The following SASH1 variants were observed in gnomAD, a reference collection of about 807,000 sequenced individuals.
SASH1 encodes the protein SAM and SH3 domain containing 1, also known as SAM and SH3 domain-containing protein 1.
SASH1 carries 44 observed loss-of-function variants against 125.2 expected under a neutral mutation model. That is an observed-to-expected ratio of 0.35 (90% CI 0.28 to 0.45). The LOEUF is 0.45. Ranked by LOEUF, SASH1 falls within the 20% of genes least tolerant of loss-of-function variation. The pLI is 1.00. For synonymous variants in SASH1, 639 were observed against 649.1 expected (o/e 0.98, Z 0.24); for missense variants, 1,426 against 1,614.5 (o/e 0.88, Z 2.00).
At chr6:148,524,475 T>C (rs1307838116) in intron 10 of SASH1, 1 of 152,130 alleles carries the variant, frequency 6.6e-6, no homozygotes, top group Non-Finnish European at 1.5e-5. Flanking sequence ...CAGAAATCAC[T>C]AAGATATAAG....
At chr6:148,240,690 G>A in the SASH1 span, among the ~76,000 whole-genome samples, 6 of 152,116 alleles carry the variant, frequency 3.9e-5, no homozygotes, top group East Asian at 9.6e-4. Flanking sequence ...GGGCCAAGAC[G>A]ACTCACAGTA....
chr6:148,267,997 G>C (rs559176459), upstream of SASH1, among the ~76,000 whole-genome samples: 241 of 152,272 alleles, frequency 1.6e-3, 1 homozygote, highest in African/African-American at 5.6e-3. Context: ...CGAACGAAAG[G>C]CCAATGTGTG....
chr6:148,492,646 G>C (rs9373563), intron 8 of SASH1, among the ~76,000 whole-genome samples: 100,398 of 151,618 alleles, frequency 0.66, 33,595 homozygotes, highest in East Asian at 0.76. Flanking sequence ...GGTGAAACCC[G>C]GTCTCTACAA....
At chr6:148,538,687 G>A (rs1162252712) in intron 16 of SASH1, among the ~76,000 whole-genome samples, 1 of 152,182 alleles carries the variant, frequency 6.6e-6, no homozygotes, top group Non-Finnish European at 1.5e-5. Flanking sequence ...GTGGTGGACA[G>A]CCGGAGAGCT....
chr6:148,533,767 A>G lies in SASH1; in HGVS notation c.1735-4A>G. The G allele has an allele frequency of 6.2e-7, 1 of 1,611,086 alleles. No homozygotes were observed. Among genetic ancestry groups the G allele is most frequent in the Non-Finnish European group, 8.5e-7 (1 of 1,178,502 alleles). On this transcript the variant is annotated splice_region_variant and splice_polypyrimidine_tract_variant and intron_variant, in intron 14 of 19. Coordinates refer to ENST00000367467, the MANE Select transcript of SASH1 (RefSeq NM_015278.5). The surrounding 1 kb of genome is among the most constrained non-coding windows in gnomAD (Gnocchi z 6.2). ...TGGAAAGATCTTTGCTCCCTGGGCCACAGAAAGGAGATATCATCGATATAA... is the reference window on the plus strand; with the variant it reads ...TGGAAAGATCTTTGCTCCCTGGGCCGCAGAAAGGAGATATCATCGATATAA...
In SASH1 at chr6:148,549,785, T is replaced by C. The variant is rs1782786706; in HGVS notation, c.*1227T>C. On this transcript the variant is annotated 3_prime_UTR_variant, in exon 20 of 20. Coordinates refer to ENST00000367467, the MANE Select transcript of SASH1 (RefSeq NM_015278.5). ...GTTAAGTATTTGCTACTTTAAATTG[T>C]TTTACAACTGATTTCAGCACATTCT... is the stretch of plus-strand genomic sequence containing the variant. 2 of 387,734 alleles carry C rather than the reference T, an allele frequency of 5.2e-6. No homozygotes were observed. The highest frequency in any genetic ancestry group is 9.1e-6 in the Non-Finnish European group (2 of 219,642). 24.0% of individuals were successfully genotyped at this position (387,734 alleles called of 1,614,324 possible). A position where few individuals can be genotyped will look rare whatever the true frequency, so the allele number is the denominator to read the frequency against.
intron 2 of SASH1, among the ~76,000 whole-genome samples, chr6:148,400,876 T>C (rs1784142288): frequency 6.6e-6 from 1 of 152,214 alleles, no homozygotes; most frequent in African/African-American, 2.4e-5. Context: ...GCATTTGGGA[T>C]TGTCTTTTCT....
chr6:148,210,153 GTCACCAGGATGTT>G, the SASH1 span, among the ~76,000 whole-genome samples: 1 of 152,322 alleles, frequency 6.6e-6, no homozygotes, highest in African/African-American at 2.4e-5. Flanking sequence ...AGCCAACTGT[GTCACCAGGATGTT>G]TCACACAACG....
At position 148,302,341 on chromosome 6, in the gene SASH1, A is replaced by AAAAAAAAAAAAAT. The variant is rs34513109; in HGVS notation, n.74+29964_74+29965insAAAAAAAAAAAAT. On this transcript the variant is annotated intron_variant and non_coding_transcript_variant, in intron 1 of 3. Coordinates refer to the SASH1 transcript ENST00000367469. ...AAAAAAAAAAAAAAAAAAAAAAAAA[A>AAAAAAAAAAAAAT]CTAGTAATATTATGACCTTGGTTAA... Among the ~76,000 whole-genome samples the AAAAAAAAAAAAAT allele has an allele frequency of 8.9e-4, 93 of 104,438 alleles. 23 individuals carry two copies. The highest frequency in any genetic ancestry group is 1.9e-3 in the South Asian group (6 of 3,228). 68.5% of individuals were successfully genotyped at this position (104,438 alleles called of 152,430 possible). A position where few individuals can be genotyped will look rare whatever the true frequency, so the allele number is the denominator to read the frequency against.
At chr6:148,269,345 C>T (rs1035311102), upstream of SASH1, among the ~76,000 whole-genome samples, 2 of 151,904 alleles carry the variant, frequency 1.3e-5, no homozygotes, top group Admixed American at 1.3e-4. Flanking sequence ...GGTTGGAGTG[C>T]GGTGGCACAA....
chr6:148,416,621 G>C (rs553790089), intron 2 of SASH1, among the ~76,000 whole-genome samples: 2 of 152,166 alleles, frequency 1.3e-5, no homozygotes, highest in Admixed American at 6.5e-5. Context: ...AGGAAGAGGG[G>C]GCTCCTGCAC....
chr6:148,403,380 C>T (rs1201490250), intron 2 of SASH1, among the ~76,000 whole-genome samples: 1 of 152,124 alleles, frequency 6.6e-6, no homozygotes, highest in Non-Finnish European at 1.5e-5. Context: ...GCTGGGATTA[C>T]AGGCATGAGC....
chr6:148,490,263 C>T (rs1779053757), intron 8 of SASH1, among the ~76,000 whole-genome samples: 1 of 151,622 alleles, frequency 6.6e-6, no homozygotes, highest in African/African-American at 2.4e-5. Context: ...GGCTGGAGTA[C>T]AGTGGCGCGA....
intron 2 of SASH1, among the ~76,000 whole-genome samples, chr6:148,410,677 G>A (rs151279259): frequency 6.6e-6 from 1 of 152,302 alleles, no homozygotes; most frequent in African/African-American, 2.4e-5. Flanking sequence ...ATTATAAGTT[G>A]CACTTAAAGT....
rs187923820 is a variant in SASH1 at position 148,519,902 on chromosome 6, G to T, written c.1209+9G>T. The T allele has an allele frequency of 3.3e-6, 5 of 1,536,594 alleles. No individual in the cohort carries two copies. Among genetic ancestry groups the T allele is most frequent in the Non-Finnish European group, 1.8e-6 (2 of 1,142,486 alleles). On this transcript the variant is annotated intron_variant, in intron 10 of 19. Coordinates refer to ENST00000367467, the MANE Select transcript of SASH1 (RefSeq NM_015278.5). The surrounding 1 kb of genome is among the most constrained non-coding windows in gnomAD (Gnocchi z 4.8). ...GGTCCCTAAGCCACGGGGTAAGTAC[G>T]GATGGTGTTTGCTTCTATGACAACC...
In SASH1 at chr6:148,461,920, C is replaced by T. The variant is rs577640730; in HGVS notation, c.387-6625C>T. 1.1e-4 allele frequency among the ~76,000 whole-genome samples: 16 copies of T among 152,292 alleles called. No individual in the cohort carries two copies. The East Asian group carries it at 3.1e-3, about 29-fold the overall frequency. Reference sequence around the variant, plus strand: ...TACAGTTATCCATACTTAAGTAGGACATAAAGAAAATGAAAATCTTAACTA... The same window carrying T: ...TACAGTTATCCATACTTAAGTAGGATATAAAGAAAATGAAAATCTTAACTA... On this transcript the variant is annotated intron_variant, in intron 4 of 19. Transcript: ENST00000367467.
the SASH1 span, among the ~76,000 whole-genome samples, chr6:148,215,936 C>T: frequency 1.4e-4 from 22 of 152,120 alleles, no homozygotes; most frequent in Non-Finnish European, 2.4e-4. Flanking sequence ...TGGTTCACTG[C>T]AACCTGCACC....
the SASH1 span, among the ~76,000 whole-genome samples, chr6:148,223,337 T>C: frequency 1.3e-5 from 2 of 152,228 alleles, no homozygotes; most frequent in African/African-American, 2.4e-5. Context: ...AACAGTGCTT[T>C]GAATATCAAA....
chr6:148,197,124 AG>A, the SASH1 span, among the ~76,000 whole-genome samples: 2 of 152,220 alleles, frequency 1.3e-5, no homozygotes, highest in African/African-American at 4.8e-5. Flanking sequence ...TGATAAAGGC[AG>A]CATTTAGGGA....
Sources: allele counts gnomAD v4.1 joint callset (sites outside exome capture counted in the v4.1 genomes callset), GRCh38; gene constraint gnomAD v4.1.1; non-coding constraint Gnocchi (gnomAD v3.1); transcripts MANE v1.5; gene names NCBI Gene and HGNC (gene_info 2026-07-23, HGNC 2026-07-21).